Variants in CA10 observed in about 807,000 individuals in gnomAD.
The protein encoded by CA10 is carbonic anhydrase 10 (inactive).
CA10 carries 14 observed loss-of-function variants against 44.2 expected under a neutral mutation model. That is an observed-to-expected ratio of 0.32 (90% CI 0.21 to 0.50). The LOEUF (loss-of-function observed/expected upper bound fraction) is 0.50. CA10 is among the 20% of genes least tolerant of loss of function. The pLI, the probability that CA10 is intolerant of heterozygous loss-of-function variation, is 0.99. For missense variants in CA10, 350 were observed against 409.7 expected (o/e 0.85, Z 1.26); for synonymous variants, 159 against 141.6 (o/e 1.12, Z -0.87).
chr17:51,818,521 GCCT>G (rs1189919112), intron 3 of CA10, among the ~76,000 whole-genome samples: 1 of 152,008 alleles, frequency 6.6e-6, no homozygotes, highest in South Asian at 2.1e-4. Flanking sequence ...TTTGCTTTGT[GCCT>G]CCTAGGAAGT....
chr17:52,140,252 G>A (rs1454876729), intron 1 of CA10, among the ~76,000 whole-genome samples: 2 of 152,144 alleles, frequency 1.3e-5, no homozygotes, highest in African/African-American at 4.8e-5. Flanking sequence ...TTCAATAAAA[G>A]TTTATATTAA....
rs77352474 is a variant in CA10, at chr17:51,646,378, G to A, written c.634+2804C>T. Among the ~76,000 whole-genome samples the A allele has an allele frequency of 1.4e-3, 210 of 152,276 alleles. 2 individuals carry two copies. The highest frequency in any genetic ancestry group is 6.8e-3 in the Middle Eastern group (2 of 294). ...CTCAGCACGTTGCAGAGTGGATACT[G>A]CATCTAAATGAGCAGAGCAAATTGA... On this transcript the variant is annotated intron_variant, in intron 6 of 8. Transcript: ENST00000451037.
chr17:52,077,886 A>G (rs182006599), intron 1 of CA10, among the ~76,000 whole-genome samples: 2 of 152,300 alleles, frequency 1.3e-5, no homozygotes, highest in East Asian at 3.9e-4. Context: ...GGGTTTTTCA[A>G]ACCAGTCAAT....
At position 51,797,908 on chromosome 17, in the gene CA10, T is replaced by C. The variant is rs80356281; in HGVS notation, c.280-50090A>G. 2.1e-3 allele frequency among the ~76,000 whole-genome samples: 299 copies of C among 142,502 alleles called. 2 individuals are homozygous for C. The highest frequency in any genetic ancestry group is 3.7e-3 in the Non-Finnish European group (245 of 65,436). 93.5% of individuals were successfully genotyped at this position (142,502 alleles called of 152,430 possible). On this transcript the variant is annotated intron_variant, in intron 3 of 8. Transcript: ENST00000451037. ...ATCTATATTTGACAAGAGTAGCTAATCTACCACACATCCACGACTAGCATC... is the reference window on the plus strand; with the variant it reads ...ATCTATATTTGACAAGAGTAGCTAACCTACCACACATCCACGACTAGCATC...
intron 2 of CA10, among the ~76,000 whole-genome samples, chr17:51,962,417 G>A (rs965905501): frequency 2.2e-4 from 33 of 152,186 alleles, no homozygotes; most frequent in African/African-American, 7.5e-4. Flanking sequence ...TCACCCATCT[G>A]GGTCCCCAAA....
At chr17:51,690,369 T>C (rs983119412) in intron 4 of CA10, among the ~76,000 whole-genome samples, 23 of 152,224 alleles carry the variant, frequency 1.5e-4, no homozygotes, top group African/African-American at 5.3e-4. Context: ...ATCTCTCTAA[T>C]CCCCCAACCT....
chr17:52,004,769 T>A (rs1985541866), intron 2 of CA10, among the ~76,000 whole-genome samples: 1 of 151,850 alleles, frequency 6.6e-6, no homozygotes, highest in Non-Finnish European at 1.5e-5. Flanking sequence ...AGATAATGCC[T>A]CAAAAATATG....
chr17:51,724,486 C>A lies in CA10; in HGVS notation c.465+23147G>T, dbSNP rs375318263. Among the ~76,000 whole-genome samples the A allele has an allele frequency of 3.9e-5, 6 of 152,300 alleles. No homozygotes were observed. The South Asian group carries it at 1.0e-3, about 26-fold the overall frequency. ...TTGGATGAGGTAAAAGAGGCCCAACCACTTCTGAATGAAAAGTTATTCCTC... is the reference window on the plus strand; with the variant it reads ...TTGGATGAGGTAAAAGAGGCCCAACAACTTCTGAATGAAAAGTTATTCCTC... On this transcript the variant is annotated intron_variant, in intron 4 of 8. Coordinates refer to ENST00000451037, the MANE Select transcript of CA10 (RefSeq NM_020178.5).
intron 1 of CA10, among the ~76,000 whole-genome samples, chr17:52,119,437 T>G (rs1349484545): frequency 6.6e-6 from 1 of 152,166 alleles, no homozygotes; most frequent in Non-Finnish European, 1.5e-5. Context: ...ACACCTTGTA[T>G]TCACAGTCCC....
At chr17:51,652,629 G>A (rs1349583914) in intron 5 of CA10, among the ~76,000 whole-genome samples, 1 of 152,234 alleles carries the variant, frequency 6.6e-6, no homozygotes, top group Non-Finnish European at 1.5e-5. Flanking sequence ...TGGCATGGAT[G>A]ACCAGGGAGG....
chr17:51,691,730 G>A (rs1005909618), intron 4 of CA10, among the ~76,000 whole-genome samples: 2 of 152,144 alleles, frequency 1.3e-5, no homozygotes, highest in African/African-American at 2.4e-5. Flanking sequence ...TCCACTTTTA[G>A]TTGGCTATTG....
intron 1 of CA10, among the ~76,000 whole-genome samples, chr17:52,146,649 C>T (rs1255697548): frequency 4.0e-5 from 6 of 151,622 alleles, no homozygotes; most frequent in Non-Finnish European, 7.4e-5. Flanking sequence ...GAGATCCCAC[C>T]GACAGAGCGA....
chr17:51,631,325 AGTGT>A lies in CA10; in HGVS notation c.*255_*258del. ...GACTTCCCATGATGGAGGTTGTAAG[AGTGT>A]GTGTGTGTGTAGGTATGTTTGCATG... is the stretch of plus-strand genomic sequence containing the variant. On this transcript the variant is annotated 3_prime_UTR_variant, in exon 9 of 9. Coordinates refer to ENST00000451037, the MANE Select transcript of CA10 (RefSeq NM_020178.5). The A allele has an allele frequency of 2.2e-6, 1 of 455,446 alleles. No homozygotes were observed. Among genetic ancestry groups the A allele is most frequent in the South Asian group, 3.9e-5 (1 of 25,750 alleles). 28.2% of individuals were successfully genotyped at this position (455,446 alleles called of 1,614,324 possible).
At chr17:51,935,830 CA>C (rs1389165593) in intron 2 of CA10, among the ~76,000 whole-genome samples, 21 of 152,058 alleles carry the variant, frequency 1.4e-4, no homozygotes, top group African/African-American at 4.6e-4. Flanking sequence ...AACGTCTGGA[CA>C]AAAACAACAA....
chr17:52,023,024 A>G (rs1432077537), intron 2 of CA10, among the ~76,000 whole-genome samples: 1 of 152,092 alleles, frequency 6.6e-6, no homozygotes, highest in Non-Finnish European at 1.5e-5. Flanking sequence ...ATTAAAATGA[A>G]TATACTGCCC....
At chr17:52,019,911 C>G (rs1986082434) in intron 2 of CA10, among the ~76,000 whole-genome samples, 1 of 151,200 alleles carries the variant, frequency 6.6e-6, no homozygotes, top group Non-Finnish European at 1.5e-5. Context: ...GATATATATA[C>G]ATATATATAT....
chr17:51,647,809 C>T (rs1214253489), intron 6 of CA10, among the ~76,000 whole-genome samples: 2 of 152,208 alleles, frequency 1.3e-5, no homozygotes, highest in East Asian at 3.8e-4. Flanking sequence ...TCTCCCTTAG[C>T]TGAGCAATCT....
intron 4 of CA10, among the ~76,000 whole-genome samples, chr17:51,674,922 T>C (rs1705870953): frequency 1.3e-5 from 2 of 152,242 alleles, no homozygotes; most frequent in South Asian, 4.1e-4. Flanking sequence ...CTGCTGCTAA[T>C]AACTACTTAA....
chr17:52,031,422 T>C (rs1198242321), intron 2 of CA10, among the ~76,000 whole-genome samples: 2 of 152,116 alleles, frequency 1.3e-5, no homozygotes, highest in African/African-American at 4.8e-5. Context: ...AGTGCTGGGA[T>C]TACAGGTGTG....
Sources: allele counts gnomAD v4.1 joint callset (sites outside exome capture counted in the v4.1 genomes callset), GRCh38; gene constraint gnomAD v4.1.1; transcripts MANE v1.5; gene names NCBI Gene and HGNC (gene_info 2026-07-23, HGNC 2026-07-21).